The following COL25A1 variants were observed in gnomAD, a reference collection of about 807,000 sequenced individuals.
The protein encoded by COL25A1 is collagen alpha-1(XXV) chain.
A neutral mutation model predicts 128.4 loss-of-function variants in COL25A1; 103 were observed. That is an observed-to-expected ratio of 0.80 (90% CI 0.68 to 0.94). The LOEUF is 0.94. COL25A1 is among the 40% of genes least tolerant of loss of function. The probability of loss-of-function intolerance (pLI) is 0.00; values close to 1 mark genes in which losing one functional copy is unlikely to be tolerated. For missense variants in COL25A1, 745 were observed against 840.0 expected, an observed-to-expected ratio of 0.89 and a Z score of 1.40; for synonymous variants, 279 against 277.2, an observed-to-expected ratio of 1.01 and a Z score of -0.06.
intron 20 of COL25A1, among the ~76,000 whole-genome samples, chr4:108,866,678 T>C (rs1367151618): frequency 6.6e-6 from 1 of 152,236 alleles, no homozygotes; most frequent in African/African-American, 2.4e-5. Context: ...AAATCCAGAC[T>C]GTCTACACAA....
intron 3 of COL25A1, among the ~76,000 whole-genome samples, chr4:109,168,153 C>T (rs1009629894): frequency 2.6e-5 from 4 of 152,054 alleles, no homozygotes; most frequent in Non-Finnish European, 4.4e-5. Flanking sequence ...TAAATGGAGC[C>T]GTGGCAATTC....
chr4:109,044,570 A>C (rs1760240797), intron 5 of COL25A1, among the ~76,000 whole-genome samples: 1 of 152,150 alleles, frequency 6.6e-6, no homozygotes, highest in Admixed American at 6.6e-5. Flanking sequence ...TCAAGATCCC[A>C]GGTTACACTT....
At position 109,302,006 on chromosome 4, in the gene COL25A1, T is replaced by C; in HGVS notation, c.14A>G (p.Lys5Arg). ...CCGGCCCCCTCCTTTCCCTGCGTGC[T>C]TCTTCAGCAGCATCGTGGCGGGGTC... Reference protein sequence around the residue: MLLKKHAGKGGGREP... With the variant: MLLKRHAGKGGGREP... Residue 5 changes from lysine to arginine, a missense_variant, in exon 2 of 38, where the codon AAG (lysine) becomes AGG (arginine). Around this residue, in one of 3 missense-constraint regions of COL25A1, gnomAD observed 319 missense variants for 324.9 expected, o/e 0.98. Coordinates refer to ENST00000399132, the MANE Select transcript of COL25A1 (RefSeq NM_198721.4). 1.3e-6 allele frequency: 2 copies of C among 1,595,062 alleles called. No individual in the cohort carries two copies. Among genetic ancestry groups the C allele is most frequent in the South Asian group, 1.1e-5 (1 of 90,206 alleles).
In COL25A1 at chr4:108,968,878, C is replaced by A. The variant is rs146703773; in HGVS notation, c.492+5489G>T. Among the ~76,000 whole-genome samples the A allele has an allele frequency of 2.3e-3, 355 of 152,278 alleles. 1 individual carries two copies. Among genetic ancestry groups the A allele is most frequent in the African/African-American group, 8.1e-3 (336 of 41,564 alleles). On this transcript the variant is annotated intron_variant, in intron 8 of 37. Coordinates refer to ENST00000399132, the MANE Select transcript of COL25A1 (RefSeq NM_198721.4). Reference sequence around the variant, plus strand: ...CTGACCTATTTTATCAAGCATCAAGCCAGAAACTTTAGCCCTATCTTTGTC... The same window carrying A: ...CTGACCTATTTTATCAAGCATCAAGACAGAAACTTTAGCCCTATCTTTGTC...
chr4:109,127,066 A>G (rs1179806959), intron 3 of COL25A1, among the ~76,000 whole-genome samples: 1 of 152,226 alleles, frequency 6.6e-6, no homozygotes, highest in Non-Finnish European at 1.5e-5. Flanking sequence ...GTGAATAAGA[A>G]TTACTCATAA....
chr4:109,108,243 A>G (rs1766643286), intron 3 of COL25A1, among the ~76,000 whole-genome samples: 1 of 151,946 alleles, frequency 6.6e-6, no homozygotes, highest in Non-Finnish European at 1.5e-5. Flanking sequence ...ATGTGTTCTC[A>G]TTGTTCAATT....
chr4:108,999,175 G>C (rs541306710), intron 6 of COL25A1, among the ~76,000 whole-genome samples: 20 of 110,518 alleles, frequency 1.8e-4, no homozygotes, highest in Non-Finnish European at 3.6e-4. Context: ...AGAGTGAACA[G>C]GTAACCTAAA....
chr4:109,048,244 A>C, intron 4 of COL25A1, 69 bp from the exon 5 acceptor site: 1 of 1,443,766 alleles, frequency 6.9e-7, no homozygotes, highest in South Asian at 1.2e-5. Flanking sequence ...TATTAAAATC[A>C]AACAAAAGAT....
At chr4:109,092,928 T>C (rs896902714) in intron 3 of COL25A1, among the ~76,000 whole-genome samples, 6 of 152,036 alleles carry the variant, frequency 3.9e-5, no homozygotes, top group African/African-American at 1.5e-4. Flanking sequence ...TAACCTATAT[T>C]CATAGGAGAT....
intron 3 of COL25A1, among the ~76,000 whole-genome samples, chr4:109,140,336 T>A (rs1770272838): frequency 6.6e-6 from 1 of 152,340 alleles, no homozygotes; most frequent in East Asian, 1.9e-4. Context: ...TACTGTAGCC[T>A]TGTAGTATAG....
intron 5 of COL25A1, among the ~76,000 whole-genome samples, chr4:109,033,303 T>G (rs962889808): frequency 1.3e-5 from 2 of 152,222 alleles, no homozygotes; most frequent in Non-Finnish European, 2.9e-5. Context: ...GACCTGGTTG[T>G]GCCATTAGGC....
At chr4:108,872,516 T>C (rs13151672) in intron 19 of COL25A1, among the ~76,000 whole-genome samples, 82,870 of 152,010 alleles carry the variant, frequency 0.55, 23,863 homozygotes, top group East Asian at 1. Context: ...GGATAGTAGC[T>C]AAGAAAAATA....
intron 6 of COL25A1, among the ~76,000 whole-genome samples, chr4:108,979,861 A>G (rs1752792726): frequency 6.6e-6 from 1 of 152,160 alleles, no homozygotes; most frequent in Admixed American, 6.6e-5. Context: ...GTGGGAGTAC[A>G]GAGCAGAAAG....
intron 27 of COL25A1, among the ~76,000 whole-genome samples, chr4:108,847,439 CA>C (rs1007172594): frequency 6.6e-6 from 1 of 151,878 alleles, no homozygotes; most frequent in African/African-American, 2.4e-5. Flanking sequence ...TAATAGCATT[CA>C]GAATTACCCA....
chr4:108,988,917 T>C (rs756776303), intron 6 of COL25A1, among the ~76,000 whole-genome samples: 2 of 152,138 alleles, frequency 1.3e-5, no homozygotes, highest in Non-Finnish European at 2.9e-5. Flanking sequence ...CATTTCTGTC[T>C]TTTCTTCCCC....
intron 6 of COL25A1, among the ~76,000 whole-genome samples, chr4:108,993,550 C>A (rs1276679488): frequency 6.6e-6 from 1 of 152,066 alleles, no homozygotes; most frequent in East Asian, 1.9e-4. Flanking sequence ...GTTAAACTTC[C>A]ACCATGTGCA....
intron 3 of COL25A1, among the ~76,000 whole-genome samples, chr4:109,077,779 G>T (rs1763508981): frequency 6.6e-6 from 1 of 152,204 alleles, no homozygotes; most frequent in Non-Finnish European, 1.5e-5. Context: ...CTAAGATCAA[G>T]TGCCGAAGGA....
At chr4:109,149,243 G>T (rs1477581539) in intron 3 of COL25A1, among the ~76,000 whole-genome samples, 1 of 152,170 alleles carries the variant, frequency 6.6e-6, no homozygotes, top group African/African-American at 2.4e-5. Flanking sequence ...CAATGACCAT[G>T]AGTTATTTCG....
intron 16 of COL25A1, among the ~76,000 whole-genome samples, chr4:108,893,973 T>C (rs1444871859): frequency 6.6e-6 from 1 of 152,214 alleles, no homozygotes; most frequent in Non-Finnish European, 1.5e-5. Context: ...ATTTCCGTTT[T>C]ACCTGAAGTA....
Sources: allele counts gnomAD v4.1 joint callset (sites outside exome capture counted in the v4.1 genomes callset), GRCh38; gene constraint gnomAD v4.1.1; regional missense constraint gnomAD v4.1.1; transcripts MANE v1.5; gene names NCBI Gene and HGNC (gene_info 2026-07-23, HGNC 2026-07-21).